Variants in KLHL32 observed in about 807,000 individuals in gnomAD.
KLHL32 encodes the protein kelch like family member 32, also known as kelch-like protein 32.
KLHL32 carries 35 observed loss-of-function variants against 64.8 expected under a neutral mutation model. That is an observed-to-expected ratio of 0.54 (90% CI 0.41 to 0.72). KLHL32 has a LOEUF of 0.72. Among genes scored for constraint, KLHL32 ranks in the 30% least tolerant of loss-of-function variants. The pLI is 0.00. For missense variants in KLHL32, 589 were observed against 768.5 expected (o/e 0.77, Z 2.76); for synonymous variants, 259 against 281.0 (o/e 0.92, Z 0.78).
intron 3 of KLHL32, among the ~76,000 whole-genome samples, chr6:97,017,477 TG>T (rs1424886077): frequency 6.6e-6 from 1 of 152,134 alleles, no homozygotes; most frequent in Non-Finnish European, 1.5e-5. Flanking sequence ...GAACAGATAA[TG>T]CCAAATACAG....
chr6:97,016,773 C>T (rs1174389288), intron 3 of KLHL32, among the ~76,000 whole-genome samples: 2 of 152,146 alleles, frequency 1.3e-5, no homozygotes, highest in Admixed American at 6.5e-5. Flanking sequence ...GAATTGCAAT[C>T]CCCATAATCC....
chr6:97,081,574 C>G (rs1478276254), intron 5 of KLHL32, among the ~76,000 whole-genome samples: 1 of 152,174 alleles, frequency 6.6e-6, no homozygotes, highest in Admixed American at 6.5e-5. Context: ...ACAAAGGATG[C>G]TCTTCCTTCA....
chr6:97,074,150 A>G (rs534894033), intron 5 of KLHL32, among the ~76,000 whole-genome samples: 2 of 152,330 alleles, frequency 1.3e-5, no homozygotes, highest in South Asian at 4.1e-4. Context: ...TGCATACTCC[A>G]GAGTAATGAT....
At chr6:96,927,937 G>A (rs1769364099) in intron 1 of KLHL32, among the ~76,000 whole-genome samples, 1 of 152,204 alleles carries the variant, frequency 6.6e-6, no homozygotes, top group Non-Finnish European at 1.5e-5. Context: ...TCTATAAAGT[G>A]GGCATCTTAT....
At chr6:97,054,758 A>G (rs1159786244) in intron 4 of KLHL32, among the ~76,000 whole-genome samples, 1 of 152,212 alleles carries the variant, frequency 6.6e-6, no homozygotes, top group African/African-American at 2.4e-5. Context: ...ATTCATCTCT[A>G]TGTATCATGT....
At chr6:97,100,153 A>T (rs1273618706) in intron 6 of KLHL32, among the ~76,000 whole-genome samples, 2 of 152,046 alleles carry the variant, frequency 1.3e-5, no homozygotes, top group Non-Finnish European at 2.9e-5. Context: ...AAAAATACAT[A>T]TATAAATATA....
chr6:97,069,080 T>C (rs1320707279), intron 5 of KLHL32, among the ~76,000 whole-genome samples: 2 of 152,178 alleles, frequency 1.3e-5, no homozygotes, highest in African/African-American at 4.8e-5. Context: ...GCATGAAAGA[T>C]CATTTCCTCA....
In KLHL32 at chr6:97,140,407, C is replaced by G. The variant is rs1201140273; in HGVS notation, c.*1125C>G. On this transcript the variant is annotated 3_prime_UTR_variant, in exon 11 of 11. Transcript: ENST00000369261. ...TTAAAGGTTATGTCAATCTTGAGTGCTTGTGGAATTCTTCACCACCAATAC... is the reference window on the plus strand; with the variant it reads ...TTAAAGGTTATGTCAATCTTGAGTGGTTGTGGAATTCTTCACCACCAATAC... 2 of 152,000 alleles carry G rather than the reference C, an allele frequency of 1.3e-5. No individual in the cohort carries two copies. Among genetic ancestry groups the G allele is most frequent in the Non-Finnish European group, 2.9e-5 (2 of 67,914 alleles). The allele number at this position is 152,000 out of a possible 1,614,324, so 9.4% of individuals were successfully genotyped here.
Position 97,085,280 on chromosome 6 carries a change from T to C in KLHL32, c.566T>C (p.Leu189Pro), listed in dbSNP as rs1369103414. ...PEEVLTLPYC[L>P]LQEVLKSDRL... is the part of the protein sequence containing the mutation. ...GAAGTTCTAACGCTTCCCTATTGCC[T>C]GCTTCAGGAGGTGCTGAAGAGCGAC... The change falls in exon 6 of 11, where the codon CTG becomes CCG. Residue 189 changes from leucine (L) to proline (P), a missense_variant. Leu to Pro is a moderately conservative substitution (Grantham distance 98). This residue lies in a region of KLHL32 where 226 missense variants were observed against 353.2 expected (regional missense o/e 0.64). Coordinates refer to ENST00000369261, the MANE Select transcript of KLHL32 (RefSeq NM_052904.4). 1 of 1,613,516 alleles carries C rather than the reference T, an allele frequency of 6.2e-7. No individual in the cohort carries two copies. Among genetic ancestry groups the C allele is most frequent in the African/African-American group, 1.3e-5 (1 of 74,908 alleles).
chr6:97,036,199 A>C (rs1784270619), intron 3 of KLHL32, among the ~76,000 whole-genome samples: 1 of 151,962 alleles, frequency 6.6e-6, no homozygotes, highest in South Asian at 2.1e-4. Context: ...TGTGGTTTAC[A>C]TTTCTCTAAC....
At chr6:97,032,421 C>G (rs576868784) in intron 3 of KLHL32, among the ~76,000 whole-genome samples, 52 of 152,264 alleles carry the variant, frequency 3.4e-4, no homozygotes, top group Admixed American at 3.4e-3. Context: ...GTTTTCCTCC[C>G]AACTCTACTA....
chr6:96,959,441 G>A (rs1016354422), intron 1 of KLHL32, among the ~76,000 whole-genome samples: 4 of 152,178 alleles, frequency 2.6e-5, no homozygotes, highest in East Asian at 3.8e-4. Context: ...AACAGGGTTG[G>A]TTTCTTCTGA....
chr6:96,910,447 C>G, the KLHL32 span, among the ~76,000 whole-genome samples: 1 of 152,090 alleles, frequency 6.6e-6, no homozygotes, highest in Non-Finnish European at 1.5e-5. Flanking sequence ...TATGAGCACT[C>G]TAATTTGTGT....
At chr6:97,020,390 T>G (rs1192276487) in intron 3 of KLHL32, among the ~76,000 whole-genome samples, 1 of 151,088 alleles carries the variant, frequency 6.6e-6, no homozygotes, top group Non-Finnish European at 1.5e-5. Flanking sequence ...AGAAACTCTA[T>G]GCCAATAAAC....
intron 5 of KLHL32, among the ~76,000 whole-genome samples, chr6:97,079,985 A>G (rs1792235054): frequency 6.6e-6 from 1 of 152,210 alleles, no homozygotes; most frequent in Non-Finnish European, 1.5e-5. Flanking sequence ...AGAATGCAGG[A>G]GAGCTGAGAC....
At chr6:97,107,883 A>G (rs1015005937) in intron 6 of KLHL32, among the ~76,000 whole-genome samples, 1 of 152,242 alleles carries the variant, frequency 6.6e-6, no homozygotes, top group African/African-American at 2.4e-5. Context: ...TTATGCCACA[A>G]ATATGTATAG....
intron 6 of KLHL32, among the ~76,000 whole-genome samples, chr6:97,086,946 C>A (rs1435929824): frequency 6.6e-6 from 1 of 152,188 alleles, no homozygotes; most frequent in Admixed American, 6.5e-5. Flanking sequence ...TGGCTTCTAT[C>A]TCTTTTTGTG....
chr6:97,112,029 G>GA (rs1212629547), intron 6 of KLHL32, among the ~76,000 whole-genome samples: 2 of 151,840 alleles, frequency 1.3e-5, no homozygotes, highest in Non-Finnish European at 2.9e-5. Context: ...ATGGGTACAG[G>GA]ATGGGGGGGT....
At chr6:97,062,287 C>G (rs1003085413) in intron 4 of KLHL32, 1 of 152,202 alleles carries the variant, frequency 6.6e-6, no homozygotes, top group African/African-American at 2.4e-5. Flanking sequence ...GATTTAAAGG[C>G]TAAACCAACC....
Sources: gnomAD v4.1 joint callset for allele counts (sites outside exome capture counted in the v4.1 genomes callset) on GRCh38, gnomAD v4.1.1 for gene constraint, gnomAD v4.1.1 regional missense constraint, MANE v1.5 for transcripts, NCBI Gene and HGNC (gene_info 2026-07-23, HGNC 2026-07-21) for gene names.